The following PRR5L variants were observed in gnomAD, a reference collection of about 807,000 sequenced individuals.
PRR5L encodes the protein proline-rich protein 5-like.
PRR5L carries 21 observed loss-of-function variants against 36.4 expected under a neutral mutation model. That is an observed-to-expected ratio of 0.58 (90% CI 0.41 to 0.83). The LOEUF (loss-of-function observed/expected upper bound fraction) is 0.83. PRR5L is among the 40% of genes least tolerant of loss of function. PRR5L has a pLI of 0.00. For missense variants in PRR5L, 381 were observed against 473.3 expected (o/e 0.80, Z 1.81); for synonymous variants, 188 against 197.0 (o/e 0.95, Z 0.38).
intron 1 of PRR5L, among the ~76,000 whole-genome samples, chr11:36,346,092 C>A (rs1192502155): frequency 2.0e-5 from 3 of 151,938 alleles, no homozygotes; most frequent in African/African-American, 7.3e-5. Flanking sequence ...GGGGCCTTAT[C>A]ATCTTGGGAT....
At chr11:36,308,135 A>G (rs1004501149) in intron 1 of PRR5L, among the ~76,000 whole-genome samples, 4 of 152,206 alleles carry the variant, frequency 2.6e-5, no homozygotes, top group African/African-American at 7.2e-5. Context: ...AGGAAGAAAG[A>G]GGGGAAATGG....
chr11:36,359,546 CAAT>C (rs1363851544), intron 1 of PRR5L, among the ~76,000 whole-genome samples: 1 of 152,204 alleles, frequency 6.6e-6, no homozygotes, highest in Non-Finnish European at 1.5e-5. Context: ...TGCTGACAAT[CAAT>C]AATGATGCAA....
chr11:36,318,865 A>G (rs1856585809), intron 1 of PRR5L, among the ~76,000 whole-genome samples: 1 of 152,204 alleles, frequency 6.6e-6, no homozygotes, highest in South Asian at 2.1e-4. Flanking sequence ...TTATGTGGCA[A>G]ATGTCAGAGG....
chr11:36,296,693 C>T (rs2133444395), intron 1 of PRR5L, among the ~76,000 whole-genome samples: 1 of 152,270 alleles, frequency 6.6e-6, no homozygotes, highest in South Asian at 2.1e-4. Context: ...GTCTTCATGG[C>T]CCATGTAGAT....
At chr11:36,419,772 G>A (rs1419598681) in intron 4 of PRR5L, among the ~76,000 whole-genome samples, 1 of 152,202 alleles carries the variant, frequency 6.6e-6, no homozygotes, top group African/African-American at 2.4e-5. Flanking sequence ...CTTTCAATTT[G>A]TAATGATATT....
intron 1 of PRR5L, among the ~76,000 whole-genome samples, chr11:36,305,727 C>T (rs1048254329): frequency 2.0e-5 from 3 of 152,090 alleles, no homozygotes; most frequent in East Asian, 1.9e-4. Context: ...AAGAAGGCAC[C>T]GTCTATAAAC....
intron 6 of PRR5L, among the ~76,000 whole-genome samples, chr11:36,442,075 T>A (rs1489566181): frequency 6.6e-6 from 1 of 152,192 alleles, no homozygotes; most frequent in East Asian, 1.9e-4. Context: ...ATGCCTTTTT[T>A]AAACTCTGGT....
intron 3 of PRR5L, among the ~76,000 whole-genome samples, chr11:36,408,998 G>T (rs531500826): frequency 8.5e-5 from 13 of 152,278 alleles, no homozygotes; most frequent in African/African-American, 3.1e-4. Context: ...TGAGTAGGTG[G>T]TTTGTGTCTT....
At chr11:36,345,381 T>G (rs1451446833) in intron 1 of PRR5L, among the ~76,000 whole-genome samples, 1 of 152,128 alleles carries the variant, frequency 6.6e-6, no homozygotes, top group African/African-American at 2.4e-5. Flanking sequence ...GATTGCAGTG[T>G]GTAACCCGCC....
chr11:36,422,064 A>G (rs1199149394), intron 4 of PRR5L, among the ~76,000 whole-genome samples: 1 of 152,224 alleles, frequency 6.6e-6, no homozygotes, highest in Non-Finnish European at 1.5e-5. Context: ...TATAAGAAAA[A>G]TAGTATGCAA....
chr11:36,319,586 C>G (rs1035441143), intron 1 of PRR5L, among the ~76,000 whole-genome samples: 8 of 152,088 alleles, frequency 5.3e-5, no homozygotes, highest in Non-Finnish European at 1.2e-4. Context: ...TAGCTGTGTT[C>G]CAGTAAAACT....
intron 1 of PRR5L, among the ~76,000 whole-genome samples, chr11:36,350,652 A>G (rs1856919964): frequency 6.6e-6 from 1 of 151,626 alleles, no homozygotes; most frequent in Non-Finnish European, 1.5e-5. Context: ...AGCAGTGTAC[A>G]CTGTACCCAA....
At chr11:36,409,372 C>T (rs1481303884) in intron 3 of PRR5L, among the ~76,000 whole-genome samples, 1 of 152,190 alleles carries the variant, frequency 6.6e-6, no homozygotes, top group African/African-American at 2.4e-5. Flanking sequence ...TCCAACCACC[C>T]TGCTTCTGTT....
intron 4 of PRR5L, among the ~76,000 whole-genome samples, chr11:36,430,288 T>C (rs1858466928): frequency 6.6e-6 from 1 of 151,774 alleles, no homozygotes; most frequent in Non-Finnish European, 1.5e-5. Flanking sequence ...GGCTGGTGCC[T>C]GTAATCCCAT....
chr11:36,310,783 G>A (rs559397010), intron 1 of PRR5L, among the ~76,000 whole-genome samples: 2 of 152,182 alleles, frequency 1.3e-5, no homozygotes, highest in East Asian at 3.9e-4. Flanking sequence ...CAGATTACAA[G>A]GTCAGAAGAT....
intron 6 of PRR5L, among the ~76,000 whole-genome samples, chr11:36,443,646 C>T (rs1016720125): frequency 6.6e-6 from 1 of 152,130 alleles, no homozygotes; most frequent in Non-Finnish European, 1.5e-5. Flanking sequence ...TAAGAATTGT[C>T]GCCATCATCA....
At chr11:36,300,051 A>G (rs1856358062) in intron 1 of PRR5L, among the ~76,000 whole-genome samples, 1 of 152,156 alleles carries the variant, frequency 6.6e-6, no homozygotes, top group Non-Finnish European at 1.5e-5. Flanking sequence ...TCCCTGCCCC[A>G]CTATAATTTA....
intron 1 of PRR5L, among the ~76,000 whole-genome samples, chr11:36,367,898 G>T (rs896730610): frequency 5.3e-5 from 8 of 151,936 alleles, no homozygotes; most frequent in Non-Finnish European, 1.2e-4. Flanking sequence ...GGTGAGGAGG[G>T]AAGTGAGGAC....
chr11:36,453,260 T>C (rs761295143), intron 8 of PRR5L, among the ~76,000 whole-genome samples: 1 of 152,224 alleles, frequency 6.6e-6, no homozygotes, highest in African/African-American at 2.4e-5. Context: ...GCTTCCTGTA[T>C]CTGCTTCTTA....
Sources: gnomAD v4.1 joint callset for allele counts (sites outside exome capture counted in the v4.1 genomes callset) on GRCh38, gnomAD v4.1.1 for gene constraint, MANE v1.5 for transcripts, NCBI Gene and HGNC (gene_info 2026-07-23, HGNC 2026-07-21) for gene names.